The following JAKMIP1 variants were observed in gnomAD, a reference collection of about 807,000 sequenced individuals.
JAKMIP1 encodes janus kinase and microtubule interacting protein 1.
JAKMIP1 carries 33 observed loss-of-function variants against 113.0 expected under a neutral mutation model. That is an observed-to-expected ratio of 0.29 (90% confidence interval 0.22 to 0.39). The LOEUF is 0.39. Among genes scored for constraint, JAKMIP1 ranks in the 10% least tolerant of loss-of-function variants. The pLI, the probability that JAKMIP1 is intolerant of heterozygous loss-of-function variation, is 1.00. For missense variants in JAKMIP1, 813 were observed against 1,080.5 expected (o/e 0.75, Z 3.47); for synonymous variants, 480 against 459.9 (o/e 1.04, Z -0.56).
At position 6,061,497 on chromosome 4, in the gene JAKMIP1, T is replaced by C. The variant is rs762508128; in HGVS notation, c.1560+815A>G. On this transcript the variant is annotated intron_variant, in intron 10 of 20. Transcript: ENST00000409021. This position sits in a 1 kb window ranked among gnomAD's most constrained non-coding sequence, Gnocchi z 5.3. ...TCGCCTTTAAGACTACCAAAATCCA[T>C]CCATTTGTGGAATTCCCAAACAGGG... Among the ~76,000 whole-genome samples the C allele has an allele frequency of 6.6e-6, 1 of 152,084 alleles. No individual in the cohort carries two copies. Among genetic ancestry groups the C allele is most frequent in the Non-Finnish European group, 1.5e-5 (1 of 68,024 alleles).
rs1029559615 is a variant in JAKMIP1 at position 6,139,187 on chromosome 4, G to A, written c.-147-26190C>T. Among the ~76,000 whole-genome samples, 1 of 141,374 alleles carries A rather than the reference G, an allele frequency of 7.1e-6. No homozygotes were observed. Among genetic ancestry groups the A allele is most frequent in the Non-Finnish European group, 1.6e-5 (1 of 63,652 alleles). 92.7% of individuals were successfully genotyped at this position (141,374 alleles called of 152,430 possible). On this transcript the variant is annotated intron_variant, in intron 1 of 20. Coordinates refer to ENST00000409021, the MANE Select transcript of JAKMIP1 (RefSeq NM_001099433.2). The surrounding 1 kb of genome is among the most constrained non-coding windows in gnomAD (Gnocchi z 5.2). ...CCCTGAATTTTAACCTGCTTTGGGAGGGTTCCCATGGGCTCCAGAAACTTT... is the reference window on the plus strand; with the variant it reads ...CCCTGAATTTTAACCTGCTTTGGGAAGGTTCCCATGGGCTCCAGAAACTTT...
At chr4:6,053,809 A>G (rs1392444088) in intron 13 of JAKMIP1, 3 of 1,300,292 alleles carry the variant, frequency 2.3e-6, no homozygotes, top group Non-Finnish European at 2.9e-6. Flanking sequence ...GGCAATAAAT[A>G]TATTAGCTCT....
At chr4:6,160,609 C>T (rs1262631043) in intron 1 of JAKMIP1, among the ~76,000 whole-genome samples, 1 of 152,104 alleles carries the variant, frequency 6.6e-6, no homozygotes, top group African/African-American at 2.4e-5. Context: ...ATCCCTCCCT[C>T]CAGGACCCCT....
At chr4:6,028,575 T>C (rs1712166912) in intron 20 of JAKMIP1, among the ~76,000 whole-genome samples, 1 of 152,264 alleles carries the variant, frequency 6.6e-6, no homozygotes, top group African/African-American at 2.4e-5. Context: ...CATCCCATTT[T>C]TGGACAGCCC....
chr4:6,152,379 T>C (rs772449500), intron 1 of JAKMIP1, among the ~76,000 whole-genome samples: 6 of 152,134 alleles, frequency 3.9e-5, no homozygotes, highest in Non-Finnish European at 7.4e-5. Context: ...CCCCAGCTCC[T>C]AGAACCGCCC....
At chr4:6,198,334 T>C (rs1350994474) in intron 1 of JAKMIP1, among the ~76,000 whole-genome samples, 1 of 151,244 alleles carries the variant, frequency 6.6e-6, no homozygotes, top group Admixed American at 6.6e-5. Context: ...AAAAGAAGCA[T>C]GTGGGGGAAA....
At chr4:6,171,052 C>A (rs1371197941) in intron 1 of JAKMIP1, among the ~76,000 whole-genome samples, 1 of 146,166 alleles carries the variant, frequency 6.8e-6, no homozygotes, top group African/African-American at 2.5e-5. Flanking sequence ...ACCACCATCA[C>A]CATGCTGACC....
At chr4:6,078,843 G>T in intron 8 of JAKMIP1, 96 bp downstream of exon 8, 1 of 1,130,322 alleles carries the variant, frequency 8.8e-7, no homozygotes, top group Non-Finnish European at 1.3e-6. Flanking sequence ...TCTGCTTCAG[G>T]ACCCCTCTGT....
chr4:6,128,983 C>T (rs147231636), intron 1 of JAKMIP1, among the ~76,000 whole-genome samples: 198 of 152,380 alleles, frequency 1.3e-3, no homozygotes, highest in African/African-American at 4.7e-3. Flanking sequence ...GTCGGGTCCA[C>T]TTGCAACCTT....
At chr4:6,147,249 AC>A (rs1280554556) in intron 1 of JAKMIP1, among the ~76,000 whole-genome samples, 5 of 152,140 alleles carry the variant, frequency 3.3e-5, no homozygotes, top group Admixed American at 1.3e-4. Context: ...GGTGTGAGCC[AC>A]CGCACCAAGC....
intron 19 of JAKMIP1, among the ~76,000 whole-genome samples, chr4:6,035,629 C>T (rs945293108): frequency 1.3e-5 from 2 of 152,226 alleles, no homozygotes; most frequent in Non-Finnish European, 2.9e-5. Context: ...AAACAGCGTG[C>T]AGATGCTGGA....
In JAKMIP1 at chr4:6,044,491, C is replaced by T. The variant is rs892491221; in HGVS notation, c.2029-2264G>A. ...GCAGCACCCAGCACCCTGTGCCAGC[C>T]GCGGTGGCCAGCACTTCCTCAAACA... is the stretch of plus-strand genomic sequence containing the variant. On this transcript the variant is annotated intron_variant, in intron 16 of 20. Transcript: ENST00000409021. The surrounding 1 kb of genome is among the most constrained non-coding windows in gnomAD (Gnocchi z 4.4). Among the ~76,000 whole-genome samples, 10 of 151,202 alleles carry T rather than the reference C, an allele frequency of 6.6e-5. No individual in the cohort carries two copies. Among genetic ancestry groups the T allele is most frequent in the African/African-American group, 2.2e-4 (9 of 41,196 alleles).
chr4:6,041,697 A>AT (rs1714333694), intron 17 of JAKMIP1, among the ~76,000 whole-genome samples: 1 of 152,238 alleles, frequency 6.6e-6, no homozygotes, highest in South Asian at 2.1e-4. Context: ...CCATTCATCA[A>AT]TGAGAAAACT....
intron 3 of JAKMIP1, among the ~76,000 whole-genome samples, chr4:6,102,673 C>T (rs1713242739): frequency 6.7e-6 from 1 of 149,996 alleles, no homozygotes; most frequent in Admixed American, 6.6e-5. Flanking sequence ...ACATCACAAC[C>T]ATAGCACCTG....
At chr4:6,096,730 A>C (rs1218817833) in intron 3 of JAKMIP1, among the ~76,000 whole-genome samples, 1 of 152,210 alleles carries the variant, frequency 6.6e-6, no homozygotes, top group African/African-American at 2.4e-5. Flanking sequence ...CAGAAGTGTT[A>C]CAGATTTGAG....
rs1720354445 is a variant in JAKMIP1, at chr4:6,142,858, A to G, written c.-147-29861T>C. Among the ~76,000 whole-genome samples, 1 of 152,190 alleles carries G rather than the reference A, an allele frequency of 6.6e-6. No individual in the cohort carries two copies. Among genetic ancestry groups the G allele is most frequent in the Admixed American group, 6.5e-5 (1 of 15,280 alleles). On this transcript the variant is annotated intron_variant, in intron 1 of 20. Coordinates refer to ENST00000409021, the MANE Select transcript of JAKMIP1 (RefSeq NM_001099433.2). This position sits in a 1 kb window ranked among gnomAD's most constrained non-coding sequence, Gnocchi z 5.5. ...TCATTGCTTACAGGTGAGGAAACGG[A>G]GGATGGAAAGGTTTAAGGGACATGG...
chr4:6,100,224 A>G (rs1712773216), intron 3 of JAKMIP1, among the ~76,000 whole-genome samples: 1 of 152,084 alleles, frequency 6.6e-6, no homozygotes, highest in African/African-American at 2.4e-5. Context: ...GGTCCCTCAC[A>G]CTCATTTACA....
rs1306654772 is a variant in JAKMIP1, at chr4:6,153,452, G to T, written c.-147-40455C>A. ...TTTCATGTTTTGAAAAATGAGCACTGGAGCCAACGGTGTTTCCCAAACCTC... is the reference window on the plus strand; with the variant it reads ...TTTCATGTTTTGAAAAATGAGCACTTGAGCCAACGGTGTTTCCCAAACCTC... On this transcript the variant is annotated intron_variant, in intron 1 of 20. Coordinates refer to ENST00000409021, the MANE Select transcript of JAKMIP1 (RefSeq NM_001099433.2). The surrounding 1 kb of genome is among the most constrained non-coding windows in gnomAD (Gnocchi z 4.9). Among the ~76,000 whole-genome samples, 1 of 152,326 alleles carries T rather than the reference G, an allele frequency of 6.6e-6. No individual in the cohort carries two copies.
rs770807887 is a variant in JAKMIP1, at chr4:6,084,873, C to T, written c.927G>A (p.Thr309=). 16 of 1,591,388 alleles carry T rather than the reference C, an allele frequency of 1.0e-5. No homozygotes were observed. The highest frequency in any genetic ancestry group is 2.3e-5 in the East Asian group (1 of 43,566). The change falls in exon 5 of 21, where the codon ACG becomes ACA. Residue 309 remains threonine (T), a synonymous_variant. Transcript: ENST00000409021. ...SVIRKLEDRN[T]LLADERNELL... ...GTTCATTCCTCTCATCTGCCAACAG[C>T]GTATTTCTGTCTTCCAGCTTCCGTA...
Sources: allele counts gnomAD v4.1 joint callset (sites outside exome capture counted in the v4.1 genomes callset), GRCh38; gene constraint gnomAD v4.1.1; non-coding constraint Gnocchi (gnomAD v3.1); transcripts MANE v1.5; gene names NCBI Gene and HGNC (gene_info 2026-07-23, HGNC 2026-07-21).